ECHDC3: variants seen among roughly 807,000 people sequenced by gnomAD.
ECHDC3 encodes the protein enoyl-CoA hydratase domain containing 3.
ECHDC3 carries 20 observed loss-of-function variants against 17.9 expected under a neutral mutation model. That is an observed-to-expected ratio of 1.12 (90% CI 0.79 to 1.63). ECHDC3 has a LOEUF of 1.63. ECHDC3 is among the 40% of genes most tolerant of loss of function. ECHDC3 has a pLI of 0.00. For missense variants in ECHDC3, 407 were observed against 357.7 expected (o/e 1.14, Z -1.11); for synonymous variants, 177 against 149.7 (o/e 1.18, Z -1.33).
chr10:11,763,530 C>A lies in ECHDC3; in HGVS notation c.898C>A (p.His300Asn). Residue 300 changes from histidine (H) to asparagine (N), a missense_variant, in exon 5 of 5, where the codon CAC becomes AAC. Coordinates refer to ENST00000379215, the MANE Select transcript of ECHDC3 (RefSeq NM_024693.5). The surrounding 1 kb of genome is among the most constrained non-coding windows in gnomAD (Gnocchi z 4.9). ...CCAGAAGAGAAAACCTGTCTGGTCA[C>A]ACGAGCCAGTGTGAGTGGAGGCAGA... Reference protein sequence around the residue: ...FLQKRKPVWSHEPV With the variant: ...FLQKRKPVWSNEPV The A allele has an allele frequency of 1.3e-6, 2 of 1,481,974 alleles. No individual in the cohort carries two copies. The highest frequency in any genetic ancestry group is 9.2e-7 in the Non-Finnish European group (1 of 1,091,996). The allele number at this position is 1,481,974 out of a possible 1,614,324, so 91.8% of individuals were successfully genotyped here.
intron 1 of ECHDC3, among the ~76,000 whole-genome samples, chr10:11,746,429 T>A (rs1449549549): frequency 6.6e-6 from 1 of 151,818 alleles, no homozygotes; most frequent in African/African-American, 2.4e-5. Context: ...GTGACTATAG[T>A]CAATAATAAT....
chr10:11,755,706 C>A lies in ECHDC3; in HGVS notation c.591+98C>A, dbSNP rs561796209. The A allele has an allele frequency of 5.0e-6, 6 of 1,197,716 alleles. No homozygotes were observed. The South Asian group carries it at 8.8e-5, about 17-fold the overall frequency. The allele number at this position is 1,197,716 out of a possible 1,614,324, so 74.2% of individuals were successfully genotyped here. On this transcript the variant is annotated intron_variant, in intron 4 of 4. Coordinates refer to ENST00000379215, the MANE Select transcript of ECHDC3 (RefSeq NM_024693.5). ...TTCAAGATCCGCTTGTTAAAAGTGC[C>A]TTTCATATCAGGACGTTCTGCCCAG...
chr10:11,752,667 G>C lies in ECHDC3; in HGVS notation c.391-2741G>C, dbSNP rs576023169. Among the ~76,000 whole-genome samples the C allele has an allele frequency of 1.3e-4, 20 of 152,272 alleles. No individual in the cohort carries two copies. The South Asian group carries it at 2.3e-3, about 17-fold the overall frequency. ...AGCATTGATTGCTTACTATATGCCA[G>C]ATAATATTTTAAGTACTTTAGATAT... is the stretch of plus-strand genomic sequence containing the variant. On this transcript the variant is annotated intron_variant, in intron 3 of 4. Coordinates refer to ENST00000379215, the MANE Select transcript of ECHDC3 (RefSeq NM_024693.5).
chr10:11,753,731 G>A (rs556431349), intron 3 of ECHDC3, among the ~76,000 whole-genome samples: 1 of 152,164 alleles, frequency 6.6e-6, no homozygotes, highest in Admixed American at 6.6e-5. Flanking sequence ...TCCGTGAATA[G>A]TGTTGTGTAC....
At chr10:11,751,770 T>C (rs1832827335) in intron 3 of ECHDC3, among the ~76,000 whole-genome samples, 1 of 152,230 alleles carries the variant, frequency 6.6e-6, no homozygotes, top group Non-Finnish European at 1.5e-5. Context: ...TTCTTCCTTG[T>C]CTCTCTACTT....
intron 3 of ECHDC3, among the ~76,000 whole-genome samples, chr10:11,750,766 T>C (rs775217563): frequency 4.6e-5 from 7 of 152,204 alleles, no homozygotes; most frequent in Non-Finnish European, 7.4e-5. Context: ...TAGTTTAACC[T>C]AATTTTTTAT....
At position 11,747,360 on chromosome 10, in the gene ECHDC3, T is replaced by G; in HGVS notation, c.182T>G (p.Leu61Trp). The G allele has an allele frequency of 6.2e-7, 1 of 1,613,946 alleles. No homozygotes were observed. The highest frequency in any genetic ancestry group is 8.5e-7 in the Non-Finnish European group (1 of 1,179,884). Residue 61 changes from leucine to tryptophan, a missense_variant, in exon 2 of 5, where the codon TTG becomes TGG. Leu to Trp is a moderately conservative substitution (Grantham distance 61, BLOSUM62 -2). Coordinates refer to ENST00000379215, the MANE Select transcript of ECHDC3 (RefSeq NM_024693.5). ...RQLDGIRNIV[L>W]SNPKKRNALS... is the part of the protein sequence containing the mutation. Reference sequence around the variant, plus strand: ...AATGTTCTTCACAGGAACATCGTCTTGAGCAATCCCAAGAAGAGGAACGCG... The same window carrying G: ...AATGTTCTTCACAGGAACATCGTCTGGAGCAATCCCAAGAAGAGGAACGCG...
At chr10:11,762,069 A>G (rs1260852323) in intron 4 of ECHDC3, among the ~76,000 whole-genome samples, 5 of 18,894 alleles carry the variant, frequency 2.6e-4, no homozygotes, top group Non-Finnish European at 4.8e-4. Context: ...CCCATCTTGG[A>G]AAAAAAAAAA....
chr10:11,747,795 A>G (rs911200614), intron 2 of ECHDC3, among the ~76,000 whole-genome samples: 5 of 152,202 alleles, frequency 3.3e-5, no homozygotes, highest in African/African-American at 4.8e-5. Context: ...AATGGGTTTA[A>G]CCACTAATCC....
chr10:11,757,432 GAAACCCCATTTCAT>G (rs922467377), intron 4 of ECHDC3, among the ~76,000 whole-genome samples: 6 of 152,164 alleles, frequency 3.9e-5, no homozygotes, highest in African/African-American at 1.4e-4. Context: ...CCAGTCTTCA[GAAACCCCATTTCAT>G]AATCACCCAG....
At chr10:11,749,834 C>CG (rs1225012351) in intron 3 of ECHDC3, among the ~76,000 whole-genome samples, 2 of 127,374 alleles carry the variant, frequency 1.6e-5, no homozygotes, top group African/African-American at 6.4e-5. Flanking sequence ...CTCCCTCTGT[C>CG]GCCCAGGCTG....
At chr10:11,744,341 G>A (rs1472155) in intron 1 of ECHDC3, among the ~76,000 whole-genome samples, 142,053 of 152,238 alleles carry the variant, frequency 0.93, 67,122 homozygotes, top group East Asian at 1. Context: ...AAAAAATGGG[G>A]TGTGATGTCA....
At chr10:11,760,186 G>A (rs191842306) in intron 4 of ECHDC3, among the ~76,000 whole-genome samples, 3 of 152,320 alleles carry the variant, frequency 2.0e-5, no homozygotes, top group African/African-American at 7.2e-5. Context: ...TCTTCACTGT[G>A]TCCCTTGGTG....
chr10:11,758,196 T>C (rs1296719007), intron 4 of ECHDC3, among the ~76,000 whole-genome samples: 1 of 152,198 alleles, frequency 6.6e-6, no homozygotes, highest in East Asian at 1.9e-4. Flanking sequence ...AGACCAAGCC[T>C]GGACATGAAT....
intron 4 of ECHDC3, 193 bp downstream of exon 4, chr10:11,755,801 G>C: frequency 1.8e-6 from 1 of 547,138 alleles, no homozygotes; most frequent in Non-Finnish European, 3.2e-6. Context: ...CCGCCTGCCT[G>C]TTCCTCTGTA....
In ECHDC3 at chr10:11,763,210, G is replaced by A. The variant is rs1258082435; in HGVS notation, c.592-14G>A. On this transcript the variant is annotated splice_polypyrimidine_tract_variant and intron_variant, in intron 4 of 4. Transcript: ENST00000379215. This position sits in a 1 kb window ranked among gnomAD's most constrained non-coding sequence, Gnocchi z 4.9. The stretch of plus-strand genomic sequence containing the variant: ...CAGGAGAGCACCTCAGTGACATCCC[G>A]TGTCTCCCCGTAGGTGGCCTTGGAG... 1.0e-5 allele frequency: 8 copies of A among 761,960 alleles called. No homozygotes were observed. The highest frequency in any genetic ancestry group is 4.2e-5 in the South Asian group (3 of 71,748). 47.2% of individuals were successfully genotyped at this position (761,960 alleles called of 1,614,324 possible).
In ECHDC3 at chr10:11,763,676, T is replaced by G. The variant is rs764951312; in HGVS notation, c.*132T>G. On this transcript the variant is annotated 3_prime_UTR_variant, in exon 5 of 5. Transcript: ENST00000379215. This position sits in a 1 kb window ranked among gnomAD's most constrained non-coding sequence, Gnocchi z 4.9. ...TGACTTGATATTGGTGTCATAGCATTTGGCCTACATTAAAAGCCACAATTT... is the reference window on the plus strand; with the variant it reads ...TGACTTGATATTGGTGTCATAGCATGTGGCCTACATTAAAAGCCACAATTT... 1.1e-5 allele frequency: 16 copies of G among 1,428,674 alleles called. No homozygotes were observed. The South Asian group carries it at 2.4e-4, about 22-fold the overall frequency. The allele number at this position is 1,428,674 out of a possible 1,614,324, so 88.5% of individuals were successfully genotyped here.
intron 3 of ECHDC3, among the ~76,000 whole-genome samples, chr10:11,751,982 G>C (rs1353055334): frequency 6.6e-6 from 1 of 152,162 alleles, no homozygotes; most frequent in Non-Finnish European, 1.5e-5. Flanking sequence ...ACCCAAAACA[G>C]TACCTAATTC....
chr10:11,750,141 T>C (rs1358508266), intron 3 of ECHDC3, among the ~76,000 whole-genome samples: 1 of 152,132 alleles, frequency 6.6e-6, no homozygotes, highest in Non-Finnish European at 1.5e-5. Context: ...ATTGATTTTG[T>C]TTTATACCAA....
Sources: allele counts gnomAD v4.1 joint callset (sites outside exome capture counted in the v4.1 genomes callset), GRCh38; gene constraint gnomAD v4.1.1; non-coding constraint Gnocchi (gnomAD v3.1); transcripts MANE v1.5; gene names NCBI Gene and HGNC (gene_info 2026-07-23, HGNC 2026-07-21).